The following SPATA13 variants were observed in gnomAD, a reference collection of about 807,000 sequenced individuals.
SPATA13 encodes spermatogenesis associated 13, also known as spermatogenesis-associated protein 13.
A neutral mutation model predicts 104.0 loss-of-function variants in SPATA13; 50 were observed. The ratio of observed to expected loss-of-function variants is 0.48; its 90% confidence interval spans 0.38 to 0.61. The LOEUF (loss-of-function observed/expected upper bound fraction) is 0.61, where lower values mean the gene tolerates loss of function less well. SPATA13 is among the 20% of genes least tolerant of loss of function. The pLI is 0.00. For missense variants in SPATA13, 1,524 were observed against 1,690.6 expected, an observed-to-expected ratio of 0.90 and a Z score of 1.73; for synonymous variants, 606 against 667.5, an observed-to-expected ratio of 0.91 and a Z score of 1.42.
intron 2 of SPATA13, among the ~76,000 whole-genome samples, chr13:24,249,199 T>A (rs1421264633): frequency 1.3e-5 from 2 of 152,222 alleles, no homozygotes; most frequent in African/African-American, 4.8e-5. Flanking sequence ...CCTTTTATCA[T>A]AGCTCATCAT....
At chr13:24,295,358 C>A (rs1876695005) in intron 10 of SPATA13, among the ~76,000 whole-genome samples, 1 of 152,088 alleles carries the variant, frequency 6.6e-6, no homozygotes, top group African/African-American at 2.4e-5. Context: ...CACCTGTAAT[C>A]CCAGCACTTT....
At chr13:24,198,288 G>A (rs745322388) in intron 1 of SPATA13, among the ~76,000 whole-genome samples, 17 of 152,008 alleles carry the variant, frequency 1.1e-4, no homozygotes, top group African/African-American at 3.1e-4. Context: ...CCACCGCACC[G>A]AGCCACCTTG....
At chr13:24,216,231 C>T (rs1871253245) in intron 1 of SPATA13, among the ~76,000 whole-genome samples, 1 of 152,196 alleles carries the variant, frequency 6.6e-6, no homozygotes, top group African/African-American at 2.4e-5. Context: ...TCTCACTACA[C>T]CAGCCTGACC....
intron 2 of SPATA13, among the ~76,000 whole-genome samples, chr13:24,016,270 C>T (rs774601861): frequency 9.2e-5 from 14 of 152,158 alleles, no homozygotes; most frequent in Non-Finnish European, 1.3e-4. Context: ...TCCTCCAGGA[C>T]GTGGCCCTGG....
At chr13:24,214,478 G>T (rs1871183123) in intron 1 of SPATA13, among the ~76,000 whole-genome samples, 1 of 152,188 alleles carries the variant, frequency 6.6e-6, no homozygotes, top group African/African-American at 2.4e-5. Flanking sequence ...AAAAGTAAAA[G>T]AAACTGCTCT....
intron 2 of SPATA13, among the ~76,000 whole-genome samples, chr13:24,240,662 T>C (rs970133080): frequency 6.6e-6 from 1 of 152,188 alleles, no homozygotes; most frequent in South Asian, 2.1e-4. Context: ...AGTACTAGTG[T>C]TTTTATGCTC....
intron 3 of SPATA13, among the ~76,000 whole-genome samples, chr13:24,097,065 C>A (rs141099205): frequency 6.6e-6 from 1 of 152,118 alleles, no homozygotes; most frequent in African/African-American, 2.4e-5. Flanking sequence ...GCGTTGGCCC[C>A]GGCTGAAACG....
chr13:24,110,899 A>G (rs1307975206), intron 3 of SPATA13, among the ~76,000 whole-genome samples: 1 of 152,070 alleles, frequency 6.6e-6, no homozygotes, highest in Non-Finnish European at 1.5e-5. Context: ...CTCTGCGCAT[A>G]GCATATTCTT....
chr13:24,151,846 G>A (rs1316371904), intron 3 of SPATA13, among the ~76,000 whole-genome samples: 1 of 152,216 alleles, frequency 6.6e-6, no homozygotes, highest in African/African-American at 2.4e-5. Flanking sequence ...ATTTTTACCA[G>A]CTGCATAGTC....
At chr13:24,121,067 G>A (rs1301841336) in intron 3 of SPATA13, among the ~76,000 whole-genome samples, 1 of 151,968 alleles carries the variant, frequency 6.6e-6, no homozygotes, top group Non-Finnish European at 1.5e-5. Flanking sequence ...TGCATATATA[G>A]ATGTTCAGCC....
At chr13:24,166,591 G>A (rs1490303020) in intron 1 of SPATA13, among the ~76,000 whole-genome samples, 1 of 152,174 alleles carries the variant, frequency 6.6e-6, no homozygotes. Flanking sequence ...TCTAGCATCA[G>A]CAACACTTGG....
chr13:24,300,968 C>T (rs189890190), intron 12 of SPATA13, among the ~76,000 whole-genome samples: 25 of 152,208 alleles, frequency 1.6e-4, no homozygotes, highest in East Asian at 1.4e-3. Flanking sequence ...AAAAAAGACA[C>T]GTGAGCTGAT....
At chr13:24,110,144 C>G (rs922536480) in intron 3 of SPATA13, among the ~76,000 whole-genome samples, 11 of 151,524 alleles carry the variant, frequency 7.3e-5, no homozygotes, top group African/African-American at 2.7e-4. Context: ...GTTTCTTTAC[C>G]TTCTCTGGCT....
rs1482049117 is a variant in SPATA13, at chr13:24,161,943, C to T, written c.-112+1011C>T. On this transcript the variant is annotated intron_variant, in intron 1 of 12. Coordinates refer to ENST00000382108, the MANE Select transcript of SPATA13 (RefSeq NM_001166271.3). The surrounding 1 kb of genome is among the most constrained non-coding windows in gnomAD (Gnocchi z 4.5). ...CCAGCGATTTGCTCTCCTTTATTCC[C>T]CTTGCTAACAGGCGGAGAAATCTCA... Among the ~76,000 whole-genome samples, 1 of 152,110 alleles carries T rather than the reference C, an allele frequency of 6.6e-6. No individual in the cohort carries two copies. The highest frequency in any genetic ancestry group is 2.4e-5 in the African/African-American group (1 of 41,414).
chr13:24,092,524 C>A (rs1412172524), intron 3 of SPATA13, among the ~76,000 whole-genome samples: 1 of 152,066 alleles, frequency 6.6e-6, no homozygotes, highest in Non-Finnish European at 1.5e-5. Flanking sequence ...CACATGGAAA[C>A]CAATTAAGAG....
intron 3 of SPATA13, among the ~76,000 whole-genome samples, chr13:24,077,558 T>A (rs990564054): frequency 6.6e-6 from 1 of 151,548 alleles, no homozygotes; most frequent in Non-Finnish European, 1.5e-5. Context: ...GGAAGCCCAG[T>A]CCCCACCAGT....
chr13:24,046,342 G>C (rs1171391050), intron 3 of SPATA13, among the ~76,000 whole-genome samples: 2 of 149,458 alleles, frequency 1.3e-5, no homozygotes, highest in African/African-American at 5.0e-5. Flanking sequence ...CACCAGGCTG[G>C]AGTGCAGTGG....
chr13:24,125,168 G>T (rs1271628052), intron 3 of SPATA13, among the ~76,000 whole-genome samples: 1 of 152,234 alleles, frequency 6.6e-6, no homozygotes, highest in Non-Finnish European at 1.5e-5. Flanking sequence ...ACATCAGCTT[G>T]CGTGGAGAGG....
intron 2 of SPATA13, among the ~76,000 whole-genome samples, chr13:24,006,736 T>C (rs1876250199): frequency 6.6e-6 from 1 of 152,158 alleles, no homozygotes; most frequent in Non-Finnish European, 1.5e-5. Flanking sequence ...ATGGTGGAGC[T>C]GGGAGAGCAC....
Sources: allele counts gnomAD v4.1 joint callset (sites outside exome capture counted in the v4.1 genomes callset), GRCh38; gene constraint gnomAD v4.1.1; non-coding constraint Gnocchi (gnomAD v3.1); transcripts MANE v1.5; gene names NCBI Gene and HGNC (gene_info 2026-07-23, HGNC 2026-07-21).